LARS2: variants seen among roughly 807,000 people sequenced by gnomAD.
LARS2 encodes the protein leucine--tRNA ligase, mitochondrial.
LARS2 carries 81 observed loss-of-function variants against 116.6 expected under a neutral mutation model. The ratio of observed to expected loss-of-function variants is 0.69; its 90% CI spans 0.58 to 0.84. The LOEUF is 0.84. LARS2 is among the 40% of genes least tolerant of loss of function. LARS2 has a pLI of 0.00. For missense variants in LARS2, 968 were observed against 1,114.5 expected, an observed-to-expected ratio of 0.87 and a Z score of 1.87; for synonymous variants, 396 against 407.2, an observed-to-expected ratio of 0.97 and a Z score of 0.33.
At position 45,453,553 on chromosome 3, in the gene LARS2, A is replaced by G. The variant is rs1200356112; in HGVS notation, c.607-5190A>G. 3.3e-5 allele frequency among the ~76,000 whole-genome samples: 5 copies of G among 152,320 alleles called. No individual in the cohort carries two copies. In the East Asian group the frequency reaches 9.6e-4, roughly 29 times the overall value. ...CAGGAAGCATACTCAAAGAATTGCT[A>G]CACACTGGCACCTCTTCCACTGTAC... On this transcript the variant is annotated intron_variant, in intron 7 of 21. Transcript: ENST00000645846.
At chr3:45,510,621 A>G (rs1209138471) in intron 15 of LARS2, among the ~76,000 whole-genome samples, 1 of 152,244 alleles carries the variant, frequency 6.6e-6, no homozygotes, top group Non-Finnish European at 1.5e-5. Context: ...GGAGGACTAG[A>G]GTTTTGATAA....
intron 3 of LARS2, among the ~76,000 whole-genome samples, chr3:45,396,020 G>A (rs368452536): frequency 3.9e-5 from 6 of 152,182 alleles, no homozygotes; most frequent in Admixed American, 1.3e-4. Context: ...TCTGAGTGAG[G>A]ACAGTAAAAT....
At chr3:45,541,175 C>T (rs373981541) in intron 20 of LARS2, among the ~76,000 whole-genome samples, 13 of 152,264 alleles carry the variant, frequency 8.5e-5, no homozygotes, top group South Asian at 2.1e-4. Flanking sequence ...TTAGTGCCAC[C>T]TCTTCTTGGG....
intron 11 of LARS2, among the ~76,000 whole-genome samples, chr3:45,488,140 T>TA (rs1015062648): frequency 2.6e-5 from 4 of 151,024 alleles, no homozygotes; most frequent in African/African-American, 7.3e-5. Flanking sequence ...TTGTAACTAT[T>TA]AAAAAAAAAT....
At chr3:45,395,611 A>T (rs918530305) in intron 3 of LARS2, among the ~76,000 whole-genome samples, 1 of 152,256 alleles carries the variant, frequency 6.6e-6, no homozygotes, top group Non-Finnish European at 1.5e-5. Context: ...TATGTTTAAT[A>T]AAGAGATTAG....
intron 4 of LARS2, among the ~76,000 whole-genome samples, chr3:45,403,679 G>A (rs1698191152): frequency 1.3e-5 from 2 of 152,092 alleles, no homozygotes; most frequent in African/African-American, 2.4e-5. Context: ...TTCCTTGGAT[G>A]GGATGAGATG....
intron 10 of LARS2, 58 bp downstream of exon 10, chr3:45,476,685 G>A (rs1277187968): frequency 3.2e-6 from 5 of 1,575,468 alleles, no homozygotes; most frequent in Non-Finnish European, 3.5e-6. Context: ...TTTGGATGGC[G>A]CCTCCCAGAG....
intron 13 of LARS2, among the ~76,000 whole-genome samples, chr3:45,493,398 C>T (rs1699957833): frequency 6.6e-6 from 1 of 152,154 alleles, no homozygotes; most frequent in Non-Finnish European, 1.5e-5. Context: ...CACGCCCAGC[C>T]CCTGGATGAT....
chr3:45,421,007 G>A (rs1324977464), intron 6 of LARS2, among the ~76,000 whole-genome samples: 2 of 152,040 alleles, frequency 1.3e-5, no homozygotes. Flanking sequence ...AAATCAATAT[G>A]CATATATTTT....
At chr3:45,505,881 T>C (rs184734789) in intron 15 of LARS2, among the ~76,000 whole-genome samples, 1 of 152,176 alleles carries the variant, frequency 6.6e-6, no homozygotes. Flanking sequence ...TGACTATTTT[T>C]ATGACTTATT....
chr3:45,494,412 A>ATCAGTTCCTC (rs1417733688), intron 13 of LARS2, among the ~76,000 whole-genome samples: 2 of 152,240 alleles, frequency 1.3e-5, no homozygotes, highest in Admixed American at 6.5e-5. Flanking sequence ...CAGAAGATTT[A>ATCAGTTCCTC]TCAGTTCCTC....
In LARS2 at chr3:45,533,141, CTTTTTTTTTTTTTTTT is replaced by C. The variant is rs3085466; in HGVS notation, c.2405-8676_2405-8661del. 7.8e-5 allele frequency among the ~76,000 whole-genome samples: 4 copies of C among 51,004 alleles called. No homozygotes were observed. In the South Asian group the frequency reaches 5.1e-3, roughly 65 times the overall value. 33.5% of individuals were successfully genotyped at this position (51,004 alleles called of 152,430 possible). A position where few individuals can be genotyped will look rare whatever the true frequency, so the allele number is the denominator to read the frequency against. ...TTTAGCTTTGGTGGTCACATTAAGT[CTTTTTTTTTTTTTTTT>C]TTTTTTTTTTTGAGATGGAGTCTTG... On this transcript the variant is annotated intron_variant, in intron 20 of 21. Coordinates refer to ENST00000645846, the MANE Select transcript of LARS2 (RefSeq NM_015340.4).
chr3:45,397,277 T>C (rs1404509820), intron 3 of LARS2, among the ~76,000 whole-genome samples: 1 of 152,188 alleles, frequency 6.6e-6, no homozygotes, highest in Non-Finnish European at 1.5e-5. Context: ...CCCCAGATGA[T>C]AGAACTCATT....
At chr3:45,395,391 G>A (rs1698028176) in intron 3 of LARS2, among the ~76,000 whole-genome samples, 1 of 152,256 alleles carries the variant, frequency 6.6e-6, no homozygotes. Flanking sequence ...ATACTTGGCT[G>A]CAGCCAGTTT....
Position 45,488,716 on chromosome 3 carries a change from A to G in LARS2, c.1143A>G (p.Ser381=), listed in dbSNP as rs771998618. The change falls in exon 12 of 22, where the codon TCA becomes TCG. Residue 381 remains serine, a synonymous_variant. Transcript: ENST00000645846. ...GAATAGGAATTCCCAGTACTAGCTC[A>G]GAGGACACCATCTTAGCCCAAACCC... ...DSKIGIPSTS[S]EDTILAQTLG... is the part of the protein sequence containing the mutation. The G allele has an allele frequency of 4.3e-6, 7 of 1,611,394 alleles. No homozygotes were observed. The South Asian group carries it at 5.5e-5, about 13-fold the overall frequency.
chr3:45,429,235 C>T (rs1698650217), intron 6 of LARS2, among the ~76,000 whole-genome samples: 1 of 152,168 alleles, frequency 6.6e-6, no homozygotes, highest in African/African-American at 2.4e-5. Context: ...TGATAGGGTC[C>T]TCTGCGAGCG....
intron 21 of LARS2, among the ~76,000 whole-genome samples, chr3:45,542,595 A>G (rs1455094404): frequency 1.3e-5 from 2 of 152,238 alleles, no homozygotes; most frequent in Non-Finnish European, 2.9e-5. Flanking sequence ...CAGGGAGTAG[A>G]CTTGGAACCA....
At chr3:45,459,669 A>C (rs1699280411) in intron 8 of LARS2, among the ~76,000 whole-genome samples, 1 of 152,174 alleles carries the variant, frequency 6.6e-6, no homozygotes. Context: ...ACTCTGTGCA[A>C]TTTGCCCTTT....
chr3:45,433,543 A>G (rs572255923), intron 6 of LARS2, among the ~76,000 whole-genome samples: 1 of 152,236 alleles, frequency 6.6e-6, no homozygotes, highest in East Asian at 1.9e-4. Flanking sequence ...ACTCTTTCCC[A>G]TTTGTAACAA....
Sources: allele counts gnomAD v4.1 joint callset (sites outside exome capture counted in the v4.1 genomes callset), GRCh38; gene constraint gnomAD v4.1.1; transcripts MANE v1.5; gene names NCBI Gene and HGNC (gene_info 2026-07-23, HGNC 2026-07-21).